Variants in TOPAZ1 observed in about 807,000 individuals in gnomAD.
The protein encoded by TOPAZ1 is protein TOPAZ1.
Under a neutral mutation model 172.2 loss-of-function variants are expected in TOPAZ1, and 66 were observed. The ratio of observed to expected loss-of-function variants is 0.38; its 90% CI spans 0.31 to 0.47. TOPAZ1 has a LOEUF of 0.47. TOPAZ1 is among the 20% of genes least tolerant of loss of function. TOPAZ1 has a pLI of 0.99. For synonymous variants in TOPAZ1, 681 were observed against 683.9 expected (o/e 1.00, Z 0.07); for missense variants, 1,822 against 1,972.4 (o/e 0.92, Z 1.44).
chr3:44,301,321 TG>T (rs1187414922), intron 12 of TOPAZ1, among the ~76,000 whole-genome samples: 1 of 152,204 alleles, frequency 6.6e-6, no homozygotes, highest in Non-Finnish European at 1.5e-5. Flanking sequence ...AAAAGCTGGG[TG>T]AAGAGTGCAC....
intron 8 of TOPAZ1, among the ~76,000 whole-genome samples, chr3:44,273,435 T>C (rs1169888216): frequency 6.6e-6 from 1 of 152,206 alleles, no homozygotes; most frequent in African/African-American, 2.4e-5. Context: ...CAATCTCTTT[T>C]CCTCTTTACA....
Position 44,331,879 on chromosome 3 carries a change from G to A in TOPAZ1, c.4947G>A (p.Lys1649=), listed in dbSNP as rs765314608. The A allele has an allele frequency of 1.3e-6, 2 of 1,551,700 alleles. No individual in the cohort carries two copies. Among genetic ancestry groups the A allele is most frequent in the Admixed American group, 2.0e-5 (1 of 50,976 alleles). ...TGGCTGCTCGTATATCAGATCCAAAGCTTTTCGTTAAACACATGACTGTCA... is the reference window on the plus strand; with the variant it reads ...TGGCTGCTCGTATATCAGATCCAAAACTTTTCGTTAAACACATGACTGTCA... ...LIMAARISDP[K]LFVKHMTVNV... The change falls in exon 20 of 20, where the codon AAG becomes AAA. Residue 1649 remains lysine (K), a synonymous_variant. Transcript: ENST00000309765.
chr3:44,267,461 A>G (rs1699843946), intron 6 of TOPAZ1, among the ~76,000 whole-genome samples: 1 of 151,654 alleles, frequency 6.6e-6, no homozygotes, highest in South Asian at 2.1e-4. Context: ...TGCCCGGCTA[A>G]TTTTTTTGTA....
At position 44,331,826 on chromosome 3, in the gene TOPAZ1, T is replaced by G. The variant is rs1169246435; in HGVS notation, c.4894T>G (p.Tyr1632Asp). Reference protein sequence around the residue: ...EDNQSRSNDDYQAAVERLIMA... With the variant: ...EDNQSRSNDDDQAAVERLIMA... The stretch of plus-strand genomic sequence containing the variant: ...CAACCAGTCTCGGAGCAATGATGAT[T>G]ATCAAGCTGCAGTAGAAAGGTTAAT... The change falls in exon 20 of 20, where the codon TAT (tyrosine) becomes GAT (aspartate). Residue 1632 changes from tyrosine to aspartate, a missense_variant. By Grantham distance (160) the Tyr-to-Asp change is radical. This residue lies in a region of TOPAZ1 where 333 missense variants were observed against 481.7 expected (regional missense o/e 0.69). Coordinates refer to ENST00000309765, the MANE Select transcript of TOPAZ1 (RefSeq NM_001145030.2). 1.3e-6 allele frequency: 2 copies of G among 1,552,126 alleles called. No homozygotes were observed. Among genetic ancestry groups the G allele is most frequent in the Admixed American group, 3.9e-5 (2 of 51,004 alleles).
rs1559543765 is a variant in TOPAZ1, at chr3:44,303,996, CTCTTT to C, written c.3798-12_3798-8del. 6 of 1,464,774 alleles carry C rather than the reference CTCTTT, an allele frequency of 4.1e-6. No homozygotes were observed. Among genetic ancestry groups the C allele is most frequent in the East Asian group, 5.0e-5 (2 of 40,234 alleles). The allele number at this position is 1,464,774 out of a possible 1,614,324, so 90.7% of individuals were successfully genotyped here. On this transcript the variant is annotated splice_polypyrimidine_tract_variant and intron_variant, in intron 12 of 19. Coordinates refer to ENST00000309765, the MANE Select transcript of TOPAZ1 (RefSeq NM_001145030.2). ...TAAGGGGTGAATATAGTATAATTAA[CTCTTT>C]TCTTTTGTTAAAGGTTACAGATGAG...
chr3:44,276,170 T>C (rs993545951), intron 8 of TOPAZ1, among the ~76,000 whole-genome samples: 159 of 152,332 alleles, frequency 1.0e-3, no homozygotes, highest in African/African-American at 3.5e-3. Flanking sequence ...CTGTGTTTGC[T>C]GTGCAGAAGC....
chr3:44,282,916 A>G (rs1248986147), intron 9 of TOPAZ1, among the ~76,000 whole-genome samples: 1 of 152,230 alleles, frequency 6.6e-6, no homozygotes, highest in South Asian at 2.1e-4. Flanking sequence ...GTTAAGGTGA[A>G]GTAATAGATA....
intron 9 of TOPAZ1, among the ~76,000 whole-genome samples, chr3:44,287,072 A>G (rs913805273): frequency 6.6e-6 from 1 of 152,176 alleles, no homozygotes; most frequent in African/African-American, 2.4e-5. Flanking sequence ...CTACTGCCTC[A>G]AGACTGCCTG....
intron 16 of TOPAZ1, among the ~76,000 whole-genome samples, chr3:44,310,451 A>G (rs909281833): frequency 4.6e-5 from 7 of 152,156 alleles, no homozygotes; most frequent in African/African-American, 9.7e-5. Flanking sequence ...GTGAGCCGAG[A>G]TCGCGCAATT....
At chr3:44,278,532 G>T (rs1020423127) in intron 8 of TOPAZ1, among the ~76,000 whole-genome samples, 2 of 152,090 alleles carry the variant, frequency 1.3e-5, no homozygotes, top group Non-Finnish European at 2.9e-5. Context: ...TTTTTGGTCT[G>T]TTCAAGTTTT....
chr3:44,328,062 A>G (rs999184598), intron 18 of TOPAZ1, among the ~76,000 whole-genome samples, 188 bp from the exon 19 acceptor site: 2 of 152,114 alleles, frequency 1.3e-5, no homozygotes, highest in African/African-American at 4.8e-5. Flanking sequence ...TTTTTATTTA[A>G]TGTTTCAAAA....
rs71085609 is a variant in TOPAZ1, at chr3:44,255,670, TACACACAC to T, written c.2828-437_2828-430del. 2.7e-3 allele frequency among the ~76,000 whole-genome samples: 126 copies of T among 46,350 alleles called. 1 individual carries two copies. The highest frequency in any genetic ancestry group is 6.0e-3 in the East Asian group (8 of 1,332). 30.4% of individuals were successfully genotyped at this position (46,350 alleles called of 152,430 possible). On this transcript the variant is annotated intron_variant, in intron 3 of 19. Coordinates refer to ENST00000309765, the MANE Select transcript of TOPAZ1 (RefSeq NM_001145030.2). ...CTGTCTCAAAAAAAAAAAATATATA[TACACACAC>T]ACACACACACACACACACACACACA...
downstream of TOPAZ1, among the ~76,000 whole-genome samples, chr3:44,336,613 C>T (rs1035361034): frequency 2.6e-4 from 39 of 152,156 alleles, no homozygotes; most frequent in African/African-American, 7.0e-4. Context: ...CCCTTGCTCT[C>T]GCCCTCACCC....
chr3:44,306,326 T>C lies in TOPAZ1; in HGVS notation c.4040T>C (p.Val1347Ala). ...TTTTGTATGCCTATTTGTGTTTCAG[T>C]TAGCAAAGATCCACAAAACAGTAAA... Reference protein sequence around the residue: ...DIPFCEFAETVSKDPQNSKVD... With the variant: ...DIPFCEFAETASKDPQNSKVD... The change falls in exon 15 of 20, where the codon GTT becomes GCT. Residue 1347 changes from valine to alanine, a missense_variant and splice_region_variant. Physicochemically the swap from Val to Ala is moderately conservative, Grantham distance 64. Transcript: ENST00000309765. 6.5e-7 allele frequency: 1 copy of C among 1,540,764 alleles called. No homozygotes were observed. The highest frequency in any genetic ancestry group is 1.2e-5 in the South Asian group (1 of 83,186).
intron 15 of TOPAZ1, among the ~76,000 whole-genome samples, chr3:44,307,174 C>T (rs1700345833): frequency 6.6e-6 from 1 of 152,116 alleles, no homozygotes; most frequent in Non-Finnish European, 1.5e-5. Context: ...AGGCATGTAT[C>T]ACCATGCCTG....
intron 8 of TOPAZ1, 74 bp downstream of exon 8, chr3:44,270,884 T>G (rs1284481153): frequency 1.5e-6 from 2 of 1,365,574 alleles, no homozygotes; most frequent in Non-Finnish European, 2.0e-6. Flanking sequence ...ATTTAGATTT[T>G]CATTGACTCC....
At chr3:44,307,857 A>C (rs1372657239) in intron 15 of TOPAZ1, among the ~76,000 whole-genome samples, 2 of 152,174 alleles carry the variant, frequency 1.3e-5, no homozygotes, top group Non-Finnish European at 2.9e-5. Flanking sequence ...GTAGGCCTGG[A>C]GTAGGCAAGG....
Position 44,244,192 on chromosome 3 carries a change from A to C in TOPAZ1, c.1686A>C (p.Lys562Asn), listed in dbSNP as rs747436045. 1.5e-5 allele frequency: 24 copies of C among 1,550,342 alleles called. No homozygotes were observed. Among genetic ancestry groups the C allele is most frequent in the Non-Finnish European group, 2.1e-5 (24 of 1,146,282 alleles). The change falls in exon 2 of 20, where the codon AAA becomes AAC. Residue 562 changes from lysine to asparagine, a missense_variant. Physicochemically the swap from Lys to Asn is moderately conservative, Grantham distance 94. Transcript: ENST00000309765. Reference sequence around the variant, plus strand: ...AAACAAACACTGAATCTTCAAGTAAAGAAAAATTAGATTCTAATTCTAATT... The same window carrying C: ...AAACAAACACTGAATCTTCAAGTAACGAAAAATTAGATTCTAATTCTAATT... Reference protein sequence around the residue: ...LTETNTESSSKEKLDSNSNCL... With the variant: ...LTETNTESSSNEKLDSNSNCL...
intron 19 of TOPAZ1, among the ~76,000 whole-genome samples, chr3:44,329,629 C>T (rs1575221386): frequency 6.6e-6 from 1 of 152,192 alleles, no homozygotes. Context: ...ACACAAGACT[C>T]CTGTGTCGGA....
Sources: gnomAD v4.1 joint callset for allele counts (sites outside exome capture counted in the v4.1 genomes callset) on GRCh38, gnomAD v4.1.1 for gene constraint, gnomAD v4.1.1 regional missense constraint, MANE v1.5 for transcripts, NCBI Gene and HGNC (gene_info 2026-07-23, HGNC 2026-07-21) for gene names.